FKBP9: variants seen among roughly 807,000 people sequenced by gnomAD.
The protein encoded by FKBP9 is FKBP prolyl isomerase 9.
A neutral mutation model predicts 55.6 loss-of-function variants in FKBP9; 27 were observed. The ratio of observed to expected loss-of-function variants is 0.49; its 90% CI spans 0.36 to 0.67. The LOEUF (loss-of-function observed/expected upper bound fraction) is 0.67. Among genes scored for constraint, FKBP9 ranks in the 30% least tolerant of loss-of-function variants. The pLI is 0.00. For synonymous variants in FKBP9, 267 were observed against 296.5 expected (o/e 0.90, Z 1.02); for missense variants, 539 against 742.8 (o/e 0.73, Z 3.19).
intron 9 of FKBP9, among the ~76,000 whole-genome samples, chr7:33,004,423 GCTGT>G (rs2127989891): frequency 6.6e-6 from 1 of 152,308 alleles, no homozygotes; most frequent in South Asian, 2.1e-4. Flanking sequence ...TGCCCCCAGT[GCTGT>G]CTGTGACCAC....
intron 7 of FKBP9, among the ~76,000 whole-genome samples, chr7:32,996,607 T>TTCCTTCCTTCCTTCCC (rs1463648380): frequency 9.8e-4 from 7 of 7,160 alleles, no homozygotes; most frequent in Non-Finnish European, 1.7e-3. Context: ...ACTGCTATCT[T>TTCCTTCCTTCCTTCCC]TCCTTCCTTC....
intron 1 of FKBP9, among the ~76,000 whole-genome samples, chr7:32,969,519 A>G (rs1223204300): frequency 6.6e-6 from 1 of 152,108 alleles, no homozygotes; most frequent in Non-Finnish European, 1.5e-5. Context: ...CCCTTGTCAA[A>G]GATCATTTGA....
Position 32,996,215 on chromosome 7 carries a change from C to G in FKBP9, c.1092C>G (p.Phe364Leu). Residue 364 changes from phenylalanine to leucine, a missense_variant, in exon 7 of 10, where the codon TTC (phenylalanine) becomes TTG (leucine). By Grantham distance (22) the Phe-to-Leu change is conservative. This residue lies in a region of FKBP9 where 172 missense variants were observed against 205.3 expected (regional missense o/e 0.84). Transcript: ENST00000242209. Reference protein sequence around the residue: ...VLVFDIHVIDFHNPSDSISIT... With the variant: ...VLVFDIHVIDLHNPSDSISIT... ...TGTTTGACATCCATGTGATCGACTTCCACAACCCTTCGGACTCCATCAGCA... is the reference window on the plus strand; with the variant it reads ...TGTTTGACATCCATGTGATCGACTTGCACAACCCTTCGGACTCCATCAGCA... The G allele has an allele frequency of 6.2e-7, 1 of 1,614,132 alleles. No individual in the cohort carries two copies. Among genetic ancestry groups the G allele is most frequent in the Non-Finnish European group, 8.5e-7 (1 of 1,180,026 alleles).
intron 1 of FKBP9, among the ~76,000 whole-genome samples, chr7:32,973,606 T>TGTGTGTGTGTG (rs1583847771): frequency 2.0e-5 from 3 of 146,764 alleles, no homozygotes; most frequent in African/African-American, 7.6e-5. Flanking sequence ...TGTGTGTGTG[T>TGTGTGTGTGTG]TAACTTTGGC....
chr7:32,983,446 C>G (rs1223003787), intron 5 of FKBP9, among the ~76,000 whole-genome samples: 1 of 151,736 alleles, frequency 6.6e-6, no homozygotes, highest in Non-Finnish European at 1.5e-5. Context: ...TCCCGAGTAG[C>G]TAGGATTACA....
intron 4 of FKBP9, 49 bp downstream of exon 4, chr7:32,976,548 T>C (rs1277710178): frequency 1.7e-5 from 26 of 1,550,120 alleles, no homozygotes; most frequent in Non-Finnish European, 2.2e-5. Context: ...CTTATTTTTA[T>C]TGCAGTGGTT....
Position 33,005,649 on chromosome 7 carries a change from T to C in FKBP9, c.*298T>C, listed in dbSNP as rs1380064633. On this transcript the variant is annotated 3_prime_UTR_variant, in exon 10 of 10. Coordinates refer to ENST00000242209, the MANE Select transcript of FKBP9 (RefSeq NM_007270.5). ...GTGAGCCTTCTGGGAAATTTTGTTA[T>C]TAAAGGAATATATAGTGTCAGACGG... The C allele has an allele frequency of 5.9e-6, 2 of 339,924 alleles. No individual in the cohort carries two copies. The highest frequency in any genetic ancestry group is 8.8e-5 in the Admixed American group (2 of 22,704). 21.1% of individuals were successfully genotyped at this position (339,924 alleles called of 1,614,324 possible). A position where few individuals can be genotyped will look rare whatever the true frequency, so the allele number is the denominator to read the frequency against.
Position 32,972,968 on chromosome 7 carries a change from G to A in FKBP9, c.222-1649G>A, listed in dbSNP as rs542169947. ...AACTCCTAATCTCAAGTGATCCACC[G>A]TCCTTGGCCTCCCAAAGTGCTGAGA... On this transcript the variant is annotated intron_variant, in intron 1 of 9. Coordinates refer to ENST00000242209, the MANE Select transcript of FKBP9 (RefSeq NM_007270.5). 7.9e-4 allele frequency among the ~76,000 whole-genome samples: 120 copies of A among 152,114 alleles called. 1 individual carries two copies. The highest frequency in any genetic ancestry group is 2.7e-3 in the African/African-American group (111 of 41,502).
At chr7:33,002,023 C>T (rs1361476466) in intron 8 of FKBP9, 2 of 152,260 alleles carry the variant, frequency 1.3e-5, no homozygotes, top group African/African-American at 4.8e-5. Flanking sequence ...CAGTATGGTT[C>T]CAATTTTAGT....
At chr7:32,979,162 G>A (rs1354445760) in intron 4 of FKBP9, among the ~76,000 whole-genome samples, 3 of 152,072 alleles carry the variant, frequency 2.0e-5, no homozygotes, top group Admixed American at 1.3e-4. Flanking sequence ...CCAGCTACTC[G>A]GGAAGCTGAG....
intron 1 of FKBP9, among the ~76,000 whole-genome samples, chr7:32,966,771 G>T (rs1263854689): frequency 6.6e-5 from 10 of 152,122 alleles, no homozygotes; most frequent in African/African-American, 2.4e-4. Context: ...TGGTGGAAGG[G>T]AAAAGGGGAG....
intron 9 of FKBP9, 24 bp from the exon 10 acceptor site, chr7:33,005,151 C>G: frequency 6.2e-7 from 1 of 1,607,618 alleles, no homozygotes; most frequent in South Asian, 1.1e-5. Flanking sequence ...AACTCATGGT[C>G]TTTCCTGTCC....
chr7:32,979,402 T>C, intron 4 of FKBP9: 1 of 791,958 alleles, frequency 1.3e-6, no homozygotes, highest in South Asian at 1.5e-5. Context: ...ATTTAGGGAT[T>C]GACCACACCT....
chr7:33,004,459 G>A (rs1228187658), intron 9 of FKBP9, among the ~76,000 whole-genome samples: 2 of 152,128 alleles, frequency 1.3e-5, no homozygotes, highest in Non-Finnish European at 2.9e-5. Flanking sequence ...TCCACCTTGA[G>A]CCCTGGCACC....
intron 1 of FKBP9, among the ~76,000 whole-genome samples, chr7:32,965,866 T>TATGTATACACATATATATAC (rs70989913): frequency 1.0e-5 from 1 of 97,520 alleles, no homozygotes; most frequent in African/African-American, 4.8e-5. Context: ...TATATATATA[T>TATGTATACACATATATATAC]ACATACATAT....
At chr7:32,977,870 C>CAA (rs1554285574) in intron 4 of FKBP9, among the ~76,000 whole-genome samples, 4 of 124,660 alleles carry the variant, frequency 3.2e-5, no homozygotes, top group Non-Finnish European at 6.3e-5. Flanking sequence ...TATACATGCC[C>CAA]ATATATATAT....
rs1256175156 is a variant in FKBP9, at chr7:33,005,517, G to C, written c.*166G>C. ...ACATCGGGGTGGGTTGATATATGGG[G>C]TGAGAAGTTTGGGCTGATCGCCAGT... On this transcript the variant is annotated 3_prime_UTR_variant, in exon 10 of 10. Coordinates refer to ENST00000242209, the MANE Select transcript of FKBP9 (RefSeq NM_007270.5). 1.4e-6 allele frequency: 1 copy of C among 715,900 alleles called. No homozygotes were observed. Among genetic ancestry groups the C allele is most frequent in the Non-Finnish European group, 2.3e-6 (1 of 432,064 alleles). The allele number at this position is 715,900 out of a possible 1,614,324, so 44.3% of individuals were successfully genotyped here. A position where few individuals can be genotyped will look rare whatever the true frequency, so the allele number is the denominator to read the frequency against.
In FKBP9 at chr7:33,000,378, T is replaced by C; in HGVS notation, c.1372+118T>C. The C allele has an allele frequency of 2.9e-6, 4 of 1,383,014 alleles. No homozygotes were observed. The African/African-American group carries it at 5.9e-5, about 20-fold the overall frequency. 85.7% of individuals were successfully genotyped at this position (1,383,014 alleles called of 1,614,324 possible). On this transcript the variant is annotated intron_variant, in intron 8 of 9. Coordinates refer to ENST00000242209, the MANE Select transcript of FKBP9 (RefSeq NM_007270.5). ...CTTCTTACATGTAATACCCAAAGAG[T>C]GTGTGGTTTCTATTTTTAAAAAATT...
At chr7:32,974,815 T>C in intron 2 of FKBP9, 53 bp downstream of exon 2, 1 of 1,493,894 alleles carries the variant, frequency 6.7e-7, no homozygotes, top group South Asian at 1.2e-5. Context: ...ATGAGAACAC[T>C]TTTAGGATGT....
Sources: allele counts gnomAD v4.1 joint callset (sites outside exome capture counted in the v4.1 genomes callset), GRCh38; gene constraint gnomAD v4.1.1; regional missense constraint gnomAD v4.1.1; transcripts MANE v1.5; gene names NCBI Gene and HGNC (gene_info 2026-07-23, HGNC 2026-07-21).